Variants in PRIM2 observed in about 807,000 individuals in gnomAD.
The protein encoded by PRIM2 is DNA primase large subunit.
Under a neutral mutation model 67.3 loss-of-function variants are expected in PRIM2, and 39 were observed. The observed-to-expected ratio is 0.58, with a 90% confidence interval of 0.45 to 0.76. The LOEUF is 0.76. Among genes scored for constraint, PRIM2 ranks in the 30% least tolerant of loss-of-function variants. The probability of loss-of-function intolerance (pLI) is 0.00; values close to 1 mark genes in which losing one functional copy is unlikely to be tolerated. For synonymous variants in PRIM2, 143 were observed against 198.7 expected (o/e 0.72, Z 2.36); for missense variants, 398 against 598.7 (o/e 0.66, Z 3.50).
the PRIM2 span, among the ~76,000 whole-genome samples, chr6:57,282,728 C>A: frequency 3.3e-5 from 5 of 152,192 alleles, no homozygotes; most frequent in African/African-American, 9.7e-5. Flanking sequence ...AGAAGACAGC[C>A]ATCTGTAAGC....
intron 7 of PRIM2, among the ~76,000 whole-genome samples, chr6:57,478,944 C>T (rs1391876855): frequency 6.6e-5 from 10 of 152,180 alleles, no homozygotes; most frequent in African/African-American, 2.4e-4. Flanking sequence ...GTCGGGAGTT[C>T]GAGATCAGCC....
chr6:57,498,729 G>A (rs1554346580), intron 7 of PRIM2, among the ~76,000 whole-genome samples: 3 of 151,944 alleles, frequency 2.0e-5, no homozygotes, highest in South Asian at 2.1e-4. Context: ...TTTTAATTTC[G>A]CCAGTGTTGG....
At chr6:57,298,516 G>A in the PRIM2 span, among the ~76,000 whole-genome samples, 12 of 152,066 alleles carry the variant, frequency 7.9e-5, no homozygotes, top group African/African-American at 1.7e-4. Context: ...TGGGGCCTTC[G>A]GGGGATGGCC....
intron 5 of PRIM2, among the ~76,000 whole-genome samples, chr6:57,338,207 T>C (rs1043338429): frequency 1.3e-5 from 2 of 152,040 alleles, no homozygotes; most frequent in Non-Finnish European, 1.5e-5. Flanking sequence ...GAAATTGTGG[T>C]AATAATCAAT....
chr6:57,446,773 C>T (rs1309480861), intron 7 of PRIM2, among the ~76,000 whole-genome samples: 3 of 152,230 alleles, frequency 2.0e-5, no homozygotes, highest in Non-Finnish European at 2.9e-5. Flanking sequence ...AGGTGAGTTG[C>T]GAGTCAGCTG....
intron 10 of PRIM2, among the ~76,000 whole-genome samples, chr6:57,584,969 C>T (rs1776162648): frequency 6.6e-6 from 1 of 152,148 alleles, no homozygotes; most frequent in Non-Finnish European, 1.5e-5. Flanking sequence ...AAACAGTTCT[C>T]ACCGATGAGA....
chr6:57,320,207 C>T lies in PRIM2; in HGVS notation c.155-250C>T, dbSNP rs187597015. Among the ~76,000 whole-genome samples the T allele has an allele frequency of 4.6e-5, 7 of 152,220 alleles. No homozygotes were observed. In the East Asian group the frequency reaches 1.4e-3, roughly 30 times the overall value. On this transcript the variant is annotated intron_variant, in intron 2 of 13. Coordinates refer to ENST00000615550, the MANE Select transcript of PRIM2 (RefSeq NM_000947.5). ...TCCTCAGGAATGATTATTCACCATC[C>T]ATCCCTCTTCCCTGATTGAGAATCC... is the stretch of plus-strand genomic sequence containing the variant.
chr6:57,259,158 T>C, the PRIM2 span, among the ~76,000 whole-genome samples: 3 of 152,178 alleles, frequency 2.0e-5, no homozygotes, highest in Non-Finnish European at 4.4e-5. Flanking sequence ...AAGCCAGAAG[T>C]ACATGGCACT....
At chr6:57,628,743 AT>A (rs1167182975) in intron 12 of PRIM2, among the ~76,000 whole-genome samples, 5 of 151,206 alleles carry the variant, frequency 3.3e-5, no homozygotes, top group Admixed American at 6.6e-5. Flanking sequence ...GTGGTATTTG[AT>A]TTTTTTTTCC....
chr6:57,540,913 A>C (rs1734925415), intron 10 of PRIM2, among the ~76,000 whole-genome samples: 2 of 152,228 alleles, frequency 1.3e-5, no homozygotes, highest in Admixed American at 6.5e-5. Flanking sequence ...TCTCAGCGTA[A>C]GCAGCTTGCA....
intron 7 of PRIM2, among the ~76,000 whole-genome samples, chr6:57,470,089 G>A (rs1355672574): frequency 9.9e-5 from 15 of 152,278 alleles, no homozygotes; most frequent in South Asian, 2.1e-4. Context: ...ATAGATTATC[G>A]TTGGACAAAT....
chr6:57,606,431 A>C lies in PRIM2; in HGVS notation c.1204A>C (p.Lys402Gln). ...ELLKQKLQSY[K>Q]ISPGGISQIL... is the part of the protein sequence containing the mutation. ...GCTGAAGCAAAAGTTGCAGTCATAC[A>C]AGATCTCTCCTGGAGGGATAAGCCA... Residue 402 changes from lysine to glutamine, a missense_variant, in exon 12 of 14, where the codon AAG becomes CAG. Transcript: ENST00000615550. The C allele has an allele frequency of 6.3e-7, 1 of 1,596,786 alleles. No homozygotes were observed.
chr6:57,383,574 T>TAAAAA (rs67876499), intron 7 of PRIM2: 1 of 119,334 alleles, frequency 8.4e-6, no homozygotes, highest in African/African-American at 3.1e-5. Flanking sequence ...TTTTTCTTGC[T>TAAAAA]AAAAAAAAAA....
chr6:57,419,524 G>A (rs531593000), intron 7 of PRIM2, among the ~76,000 whole-genome samples: 1 of 152,202 alleles, frequency 6.6e-6, no homozygotes, highest in Non-Finnish European at 1.5e-5. Context: ...GGAACAAGGT[G>A]TGGTTTCCTA....
the PRIM2 span, among the ~76,000 whole-genome samples, chr6:57,251,990 C>T: frequency 1.3e-5 from 2 of 152,174 alleles, no homozygotes; most frequent in Non-Finnish European, 2.9e-5. Context: ...TTTAACCTTG[C>T]TTGTACAGTT....
the PRIM2 span, among the ~76,000 whole-genome samples, chr6:57,283,916 T>C: frequency 1.3e-5 from 2 of 152,114 alleles, no homozygotes; most frequent in African/African-American, 4.8e-5. Flanking sequence ...ATCACAGTAG[T>C]TGAAAAGCCT....
intron 7 of PRIM2, among the ~76,000 whole-genome samples, chr6:57,499,277 C>G (rs1238251269): frequency 6.6e-6 from 1 of 152,188 alleles, no homozygotes; most frequent in African/African-American, 2.4e-5. Flanking sequence ...TTATCCAGAG[C>G]AGACATTTCA....
rs1158188964 is a variant in PRIM2, at chr6:57,474,173, C to CTTTTT, written c.694-33188_694-33184dup. On this transcript the variant is annotated intron_variant, in intron 7 of 13. Transcript: ENST00000615550. ...TCTACTTTTTCTGCAATTCTGCTAT[C>CTTTTT]TTTTTTTTTTTTTTTTTTTTTTTTT... Among the ~76,000 whole-genome samples the CTTTTT allele has an allele frequency of 2.3e-3, 150 of 63,972 alleles. 32 individuals are homozygous for CTTTTT. The highest frequency in any genetic ancestry group is 6.0e-3 in the African/African-American group (91 of 15,208). 42.0% of individuals were successfully genotyped at this position (63,972 alleles called of 152,430 possible).
chr6:57,551,058 A>C (rs1423962972), intron 10 of PRIM2, among the ~76,000 whole-genome samples: 1 of 152,174 alleles, frequency 6.6e-6, no homozygotes, highest in East Asian at 1.9e-4. Context: ...TTTTTACTTA[A>C]AAAATTACTT....
Sources: allele counts gnomAD v4.1 joint callset (sites outside exome capture counted in the v4.1 genomes callset), GRCh38; gene constraint gnomAD v4.1.1; transcripts MANE v1.5; gene names NCBI Gene and HGNC (gene_info 2026-07-23, HGNC 2026-07-21).